HPSE2: variants seen among roughly 807,000 people sequenced by gnomAD.
HPSE2 encodes heparanase 2 (inactive), also known as inactive heparanase-2.
Under a neutral mutation model 60.5 loss-of-function variants are expected in HPSE2, and 38 were observed. The observed-to-expected ratio is 0.63, with a 90% CI of 0.48 to 0.82. HPSE2 has a LOEUF of 0.82. HPSE2 is among the 40% of genes least tolerant of loss of function. The pLI, the probability that HPSE2 is intolerant of heterozygous loss-of-function variation, is 0.00. For missense variants in HPSE2, 713 were observed against 740.4 expected, an observed-to-expected ratio of 0.96 and a Z score of 0.43; for synonymous variants, 295 against 293.2, an observed-to-expected ratio of 1.01 and a Z score of -0.06.
At chr10:99,140,895 G>T (rs1284276861) in intron 3 of HPSE2, among the ~76,000 whole-genome samples, 1 of 152,142 alleles carries the variant, frequency 6.6e-6, no homozygotes, top group Non-Finnish European at 1.5e-5. Context: ...AAATTAGCCG[G>T]ATGTGGTGGC....
chr10:98,581,097 C>T (rs1041162335), intron 9 of HPSE2, among the ~76,000 whole-genome samples: 1 of 151,562 alleles, frequency 6.6e-6, no homozygotes, highest in South Asian at 2.1e-4. Flanking sequence ...CGTGCCAACA[C>T]GCCTGGCTAA....
At chr10:99,315,445 G>C in the HPSE2 span, among the ~76,000 whole-genome samples, 50,760 of 152,084 alleles carry the variant, frequency 0.33, 11,468 homozygotes, top group African/African-American at 0.65. Context: ...CAGAATTCTA[G>C]GGTTAAGAAC....
At chr10:98,984,756 G>T (rs1190829399) in intron 3 of HPSE2, among the ~76,000 whole-genome samples, 2 of 152,130 alleles carry the variant, frequency 1.3e-5, no homozygotes, top group South Asian at 4.1e-4. Flanking sequence ...AAGATTAGAG[G>T]AATGGCTAAC....
At chr10:98,870,266 C>T (rs1236190218) in intron 3 of HPSE2, among the ~76,000 whole-genome samples, 1 of 152,124 alleles carries the variant, frequency 6.6e-6, no homozygotes, top group Non-Finnish European at 1.5e-5. Flanking sequence ...ATTTAATTGG[C>T]AACCAAAGCA....
intron 9 of HPSE2, among the ~76,000 whole-genome samples, chr10:98,500,429 G>A (rs1382683283): frequency 6.6e-6 from 1 of 152,026 alleles, no homozygotes; most frequent in East Asian, 1.9e-4. Flanking sequence ...ATGAGCATTG[G>A]GTCAAAAACG....
chr10:99,138,532 A>G (rs1845746470), intron 3 of HPSE2, among the ~76,000 whole-genome samples: 1 of 152,244 alleles, frequency 6.6e-6, no homozygotes, highest in South Asian at 2.1e-4. Context: ...AAAATGTGGC[A>G]CATATACACC....
chr10:98,600,850 ACAT>A lies in HPSE2; in HGVS notation c.1320+14051_1320+14053del, dbSNP rs1337545396. Among the ~76,000 whole-genome samples the A allele has an allele frequency of 3.8e-3, 550 of 145,864 alleles. 3 individuals carry two copies. Among genetic ancestry groups the A allele is most frequent in the Non-Finnish European group, 5.1e-3 (342 of 66,686 alleles). On this transcript the variant is annotated intron_variant, in intron 9 of 11. Coordinates refer to ENST00000370552, the MANE Select transcript of HPSE2 (RefSeq NM_021828.5). Reference sequence around the variant, plus strand: ...TATACACAAAGATATATATACACACACATATTATATATATACGTATATATGTAT... The same window carrying A: ...TATACACAAAGATATATATACACACAATTATATATATACGTATATATGTAT...
chr10:98,533,420 C>T (rs533721891), intron 9 of HPSE2, among the ~76,000 whole-genome samples: 4 of 152,138 alleles, frequency 2.6e-5, no homozygotes, highest in African/African-American at 7.2e-5. Context: ...GTTTATGTTT[C>T]GTAACGTTAA....
chr10:98,977,216 C>G (rs909603063), intron 3 of HPSE2, among the ~76,000 whole-genome samples: 1 of 152,196 alleles, frequency 6.6e-6, no homozygotes, highest in African/African-American at 2.4e-5. Flanking sequence ...TGTACAGGAA[C>G]TGTGTTTTAT....
intron 4 of HPSE2, among the ~76,000 whole-genome samples, chr10:98,743,418 T>C (rs777506146): frequency 1.1e-4 from 16 of 152,234 alleles, no homozygotes; most frequent in Non-Finnish European, 1.9e-4. Flanking sequence ...TAGCCTTTTA[T>C]ATACTAATGT....
the HPSE2 span, among the ~76,000 whole-genome samples, chr10:99,264,509 A>T: frequency 6.6e-6 from 1 of 152,180 alleles, no homozygotes; most frequent in Admixed American, 6.5e-5. Flanking sequence ...CTATATTTTT[A>T]AATGAATAGT....
chr10:99,021,111 C>A (rs1473771048), intron 3 of HPSE2, among the ~76,000 whole-genome samples: 10 of 152,298 alleles, frequency 6.6e-5, no homozygotes, highest in Admixed American at 6.5e-4. Flanking sequence ...AGTTTACACA[C>A]CTGTCTCCAT....
chr10:98,964,880 C>G (rs1027613075), intron 3 of HPSE2, among the ~76,000 whole-genome samples: 1 of 152,122 alleles, frequency 6.6e-6, no homozygotes, highest in Non-Finnish European at 1.5e-5. Flanking sequence ...TTATCTTTCT[C>G]TCTTAATGGA....
the HPSE2 span, among the ~76,000 whole-genome samples, chr10:99,268,645 C>CAAAAAAAAAAAAAAAAAAAAA: frequency 1.7e-5 from 1 of 57,356 alleles, no homozygotes; most frequent in Non-Finnish European, 3.8e-5. Context: ...GACTCTGTCT[C>CAAAAAAAAAAAAAAAAAAAAA]AAAAAAAAAA....
chr10:99,245,195 C>G, the HPSE2 span, among the ~76,000 whole-genome samples: 1,400 of 152,174 alleles, frequency 9.2e-3, 18 homozygotes, highest in Non-Finnish European at 0.013. Flanking sequence ...ACGTGCAAGC[C>G]TAGGTCAGGG....
intron 2 of HPSE2, among the ~76,000 whole-genome samples, chr10:99,210,906 G>A (rs762844286): frequency 5.9e-5 from 9 of 152,144 alleles, no homozygotes; most frequent in African/African-American, 9.7e-5. Context: ...ATATGAACTG[G>A]AAGTCCTAGA....
At chr10:98,749,428 ATC>A (rs1352120626) in intron 3 of HPSE2, among the ~76,000 whole-genome samples, 2 of 151,684 alleles carry the variant, frequency 1.3e-5, no homozygotes, top group Non-Finnish European at 2.9e-5. Flanking sequence ...GCATATATAT[ATC>A]TGTTCTGTAT....
chr10:99,093,439 T>C (rs927355566), intron 3 of HPSE2, among the ~76,000 whole-genome samples: 1 of 152,194 alleles, frequency 6.6e-6, no homozygotes, highest in African/African-American at 2.4e-5. Context: ...AGAGGCATTG[T>C]CTGAGACTGT....
rs759566951 is a variant in HPSE2, at chr10:99,232,495, A to G, written c.301T>C (p.Leu101=). ...GAAAGTCCCCGGGCCAGGGTCACCA[A>G]GCGCTTGGAGCTGCAGAGGAAGAGA... ...GWLDFLSSKR[L]VTLARGLSPA... The change falls in exon 2 of 12, where the codon TTG becomes CTG. Residue 101 remains leucine, a synonymous_variant. Transcript: ENST00000370552. 6 of 1,554,314 alleles carry G rather than the reference A, an allele frequency of 3.9e-6. No individual in the cohort carries two copies. In the South Asian group the frequency reaches 5.9e-5, roughly 15 times the overall value.
Sources: allele counts gnomAD v4.1 joint callset (sites outside exome capture counted in the v4.1 genomes callset), GRCh38; gene constraint gnomAD v4.1.1; transcripts MANE v1.5; gene names NCBI Gene and HGNC (gene_info 2026-07-23, HGNC 2026-07-21).